Variants in DMD observed in about 807,000 individuals in gnomAD.
DMD encodes the protein dystrophin.
Under a neutral mutation model 330.1 loss-of-function variants are expected in DMD, and 63 were observed. The ratio of observed to expected loss-of-function variants is 0.19; its 90% CI spans 0.16 to 0.24. The LOEUF is 0.24. Ranked by LOEUF, DMD falls within the 10% of genes least tolerant of loss-of-function variation. DMD has a pLI of 1.00. For synonymous variants in DMD, 1,223 were observed against 959.8 expected (o/e 1.27, Z -5.07); for missense variants, 3,344 against 2,684.1 (o/e 1.25, Z -5.43).
At chrX:32,325,785 T>A (rs965818530) in intron 41 of DMD, among the ~76,000 whole-genome samples, 1 of 104,539 alleles carries the variant, frequency 9.6e-6, no homozygotes, top group African/African-American at 3.4e-5. Context: ...ATATTTTAAT[T>A]GATCTTAAGT....
chrX:31,564,368 C>T (rs1397905629), intron 55 of DMD, among the ~76,000 whole-genome samples: 1 of 111,445 alleles, frequency 9.0e-6, no homozygotes, highest in African/African-American at 3.3e-5. Context: ...CGTATGCTAC[C>T]ATTAATGTAA....
intron 1 of DMD, among the ~76,000 whole-genome samples, chrX:33,288,942 A>G (rs936576990): frequency 1.8e-5 from 2 of 111,546 alleles, no homozygotes; most frequent in Non-Finnish European, 3.8e-5. Flanking sequence ...AGCAAATATG[A>G]CCTGAGCTAC....
intron 2 of DMD, among the ~76,000 whole-genome samples, chrX:32,903,544 T>C (rs898400893): frequency 1.8e-5 from 2 of 111,621 alleles, no homozygotes; most frequent in African/African-American, 6.5e-5. Flanking sequence ...AAATGCTCAC[T>C]CCCAGTCCCT....
intron 52 of DMD, among the ~76,000 whole-genome samples, chrX:31,688,523 C>T (rs1286986235): frequency 1.8e-5 from 2 of 111,521 alleles, no homozygotes; most frequent in Admixed American, 9.5e-5. Context: ...GATTCACAGC[C>T]GAATTCTACC....
chrX:32,945,207 ACC>A (rs1238576291), intron 2 of DMD, among the ~76,000 whole-genome samples: 1 of 111,231 alleles, frequency 9.0e-6, no homozygotes, highest in African/African-American at 3.3e-5. Context: ...CTTGTATATC[ACC>A]AAATTTCATG....
chrX:32,197,816 C>T (rs2097013575), intron 44 of DMD, among the ~76,000 whole-genome samples: 2 of 111,054 alleles, frequency 1.8e-5, no homozygotes. Flanking sequence ...TATGCATTAC[C>T]TCACATACTA....
intron 1 of DMD, among the ~76,000 whole-genome samples, chrX:33,132,612 T>C (rs2095505777): frequency 8.9e-6 from 1 of 112,498 alleles, no homozygotes; most frequent in South Asian, 3.6e-4. Context: ...TTGGAAGGCA[T>C]TGGGAACTAA....
At chrX:33,185,339 A>C (rs1404339107) in intron 1 of DMD, among the ~76,000 whole-genome samples, 1 of 111,128 alleles carries the variant, frequency 9.0e-6, no homozygotes, top group Non-Finnish European at 1.9e-5. Context: ...TCTGCCACTT[A>C]TTAGTTATAT....
chrX:33,021,849 G>T (rs1383056958), intron 1 of DMD, among the ~76,000 whole-genome samples: 1 of 111,540 alleles, frequency 9.0e-6, no homozygotes, highest in Non-Finnish European at 1.9e-5. Context: ...CAATATGGAA[G>T]TATTTCCTTT....
At chrX:32,207,609 T>C (rs1245736910) in intron 44 of DMD, among the ~76,000 whole-genome samples, 4 of 112,158 alleles carry the variant, frequency 3.6e-5, no homozygotes, top group South Asian at 3.7e-4. Flanking sequence ...CACTCTTCAA[T>C]GAAATTATCT....
intron 57 of DMD, among the ~76,000 whole-genome samples, chrX:31,490,444 C>T (rs968426075): frequency 9.0e-6 from 1 of 111,373 alleles, no homozygotes; most frequent in Admixed American, 9.5e-5. Flanking sequence ...TGCCTGTAGT[C>T]CCAGCTGAGG....
intron 77 of DMD, among the ~76,000 whole-genome samples, chrX:31,133,455 C>T (rs2034783035): frequency 8.9e-6 from 1 of 111,777 alleles, no homozygotes; most frequent in African/African-American, 3.3e-5. Flanking sequence ...GAAAATTCTG[C>T]AGGGTAAAAT....
chrX:32,205,005 T>TCTCTCTCTCTCACACACACA (rs60181300), intron 44 of DMD, among the ~76,000 whole-genome samples: 2 of 29,228 alleles, frequency 6.8e-5, no homozygotes, highest in African/African-American at 1.1e-4. Flanking sequence ...TCTCTCTCTC[T>TCTCTCTCTCTCACACACACA]CACATACACA....
intron 50 of DMD, among the ~76,000 whole-genome samples, chrX:31,805,398 G>A (rs1425891920): frequency 9.0e-6 from 1 of 111,547 alleles, no homozygotes; most frequent in Non-Finnish European, 1.9e-5. Context: ...TTTTAATCTC[G>A]AGAACTATGA....
rs774313000 is a variant in DMD at position 32,305,891 on chromosome X, A to G, written c.6117+4191T>C. On this transcript the variant is annotated intron_variant, in intron 42 of 78. Coordinates refer to ENST00000357033, the MANE Select transcript of DMD (RefSeq NM_004006.3). ...AGTCCCACATTTGGGCCTCTACTCT[A>G]TTTCCTCTACACAGACTCCATGGCT... Among the ~76,000 whole-genome samples, 6 of 109,685 alleles carry G rather than the reference A, an allele frequency of 5.5e-5. No individual in the cohort carries two copies. The Admixed American group carries it at 5.9e-4, about 11-fold the overall frequency.
chrX:32,868,738 A>G (rs1290291092), intron 2 of DMD, among the ~76,000 whole-genome samples: 1 of 112,304 alleles, frequency 8.9e-6, no homozygotes, highest in African/African-American at 3.3e-5. Context: ...GTTTAGGGAA[A>G]GAACTCCGAT....
intron 60 of DMD, among the ~76,000 whole-genome samples, chrX:31,375,515 C>T (rs986563303): frequency 9.0e-6 from 1 of 111,546 alleles, no homozygotes; most frequent in South Asian, 3.8e-4. Flanking sequence ...GGGAATAAAA[C>T]GAGATCATGT....
Position 31,303,110 on chromosome X carries a change from G to T in DMD, c.9224+20488C>A, listed in dbSNP as rs148869444. Among the ~76,000 whole-genome samples, 811 of 111,178 alleles carry T rather than the reference G, an allele frequency of 7.3e-3. 12 individuals carry two copies. The highest frequency in any genetic ancestry group is 0.024 in the African/African-American group (729 of 30,606). On this transcript the variant is annotated intron_variant, in intron 62 of 78. Transcript: ENST00000357033. ...ATAACTTTGGTGTTTATCTTTCCAG[G>T]CTTTTCATTTTAATTTAATTTTTAA...
intron 48 of DMD, among the ~76,000 whole-genome samples, chrX:31,856,915 C>T (rs2093621293): frequency 8.9e-6 from 1 of 112,331 alleles, no homozygotes; most frequent in African/African-American, 3.2e-5. Context: ...ACTTTCTCTA[C>T]TTGTCATTCA....
Sources: allele counts gnomAD v4.1 joint callset (sites outside exome capture counted in the v4.1 genomes callset), GRCh38; gene constraint gnomAD v4.1.1; transcripts MANE v1.5; gene names NCBI Gene and HGNC (gene_info 2026-07-23, HGNC 2026-07-21).